Variants in FRS2 observed in about 807,000 individuals in gnomAD.
FRS2 encodes the protein fibroblast growth factor receptor substrate 2.
A neutral mutation model predicts 43.9 loss-of-function variants in FRS2; 8 were observed. That is an observed-to-expected ratio of 0.18 (90% CI 0.11 to 0.33). The LOEUF (loss-of-function observed/expected upper bound fraction) is 0.33, where lower values mean the gene tolerates loss of function less well. Among genes scored for constraint, FRS2 ranks in the 10% least tolerant of loss-of-function variants. The pLI, the probability that FRS2 is intolerant of heterozygous loss-of-function variation, is 1.00. For missense variants in FRS2, 534 were observed against 627.6 expected (o/e 0.85, Z 1.59); for synonymous variants, 219 against 220.3 (o/e 0.99, Z 0.05).
intron 1 of FRS2, among the ~76,000 whole-genome samples, chr12:69,500,795 TTG>T (rs996762335): frequency 1.3e-5 from 2 of 152,192 alleles, no homozygotes; most frequent in Non-Finnish European, 2.9e-5. Flanking sequence ...AGGAATAGTT[TTG>T]TGAGTCATAT....
intron 3 of FRS2, among the ~76,000 whole-genome samples, chr12:69,540,920 A>G (rs1240627290): frequency 6.6e-6 from 1 of 152,170 alleles, no homozygotes; most frequent in African/African-American, 2.4e-5. Context: ...AAAAGCATCA[A>G]ATTCCAAGAG....
At chr12:69,553,172 CAAGATT>C (rs1879051030) in intron 3 of FRS2, among the ~76,000 whole-genome samples, 1 of 152,014 alleles carries the variant, frequency 6.6e-6, no homozygotes, top group South Asian at 2.1e-4. Context: ...CCCAGGTACA[CAAGATT>C]CTCCTGCCTC....
chr12:69,486,552 A>T (rs1232526396), intron 1 of FRS2, among the ~76,000 whole-genome samples: 1 of 152,186 alleles, frequency 6.6e-6, no homozygotes, highest in Non-Finnish European at 1.5e-5. Context: ...ATGGCCTCTA[A>T]GTGTTCAAGT....
chr12:69,575,194 TTTAAAA>T lies in FRS2; in HGVS notation c.*241_*246del, dbSNP rs1401252763. The T allele has an allele frequency of 2.2e-6, 1 of 447,208 alleles. No individual in the cohort carries two copies. Among genetic ancestry groups the T allele is most frequent in the African/African-American group, 2.0e-5 (1 of 50,476 alleles). The allele number at this position is 447,208 out of a possible 1,614,324, so 27.7% of individuals were successfully genotyped here. On this transcript the variant is annotated 3_prime_UTR_variant, in exon 9 of 9. Coordinates refer to ENST00000549921, the MANE Select transcript of FRS2 (RefSeq NM_001278356.2). The stretch of plus-strand genomic sequence containing the variant: ...AGCATTCCCGTTTTCACAGTGCCTA[TTTAAAA>T]TGAGAGTTGAAGTAAATGACATGCT...
Position 69,574,478 on chromosome 12 carries a change from A to G in FRS2, c.1050A>G (p.Glu350=). 6.2e-7 allele frequency: 1 copy of G among 1,614,068 alleles called. No homozygotes were observed. Among genetic ancestry groups the G allele is most frequent in the Non-Finnish European group, 8.5e-7 (1 of 1,179,950 alleles). Residue 350 remains glutamate, a synonymous_variant, in exon 9 of 9, where the codon GAA becomes GAG. Transcript: ENST00000549921. ...AQRRTALLNY[E]NLPSLPPVWE... ...GAAGAACTGCATTATTAAACTATGA[A>G]AATCTACCATCTTTGCCTCCTGTTT...
At chr12:69,486,484 T>G (rs1053800498) in intron 1 of FRS2, among the ~76,000 whole-genome samples, 2 of 152,194 alleles carry the variant, frequency 1.3e-5, no homozygotes, top group African/African-American at 4.8e-5. Context: ...TTCCTGCTCC[T>G]CAGGGTTCCC....
chr12:69,485,744 A>G (rs1317255823), intron 1 of FRS2, among the ~76,000 whole-genome samples: 1 of 152,254 alleles, frequency 6.6e-6, no homozygotes, highest in Non-Finnish European at 1.5e-5. Flanking sequence ...CTGGGATTAC[A>G]GGCATGAGCC....
intron 3 of FRS2, among the ~76,000 whole-genome samples, chr12:69,539,533 G>A (rs1031704421): frequency 4.6e-5 from 7 of 152,090 alleles, no homozygotes; most frequent in South Asian, 4.1e-4. Context: ...TTTTGTGCAC[G>A]CATCATGTGA....
At chr12:69,508,006 A>G (rs1874104013) in intron 1 of FRS2, among the ~76,000 whole-genome samples, 1 of 145,398 alleles carries the variant, frequency 6.9e-6, no homozygotes, top group African/African-American at 2.6e-5. Context: ...CCTGGGCAAC[A>G]AGAGCGAAAC....
rs369977889 is a variant in FRS2 at position 69,553,089 on chromosome 12, G to A, written c.-121-9091G>A. Among the ~76,000 whole-genome samples, 536 of 147,064 alleles carry A rather than the reference G, an allele frequency of 3.6e-3. 3 individuals are homozygous for A. The highest frequency in any genetic ancestry group is 0.014 in the African/African-American group (516 of 37,162). On this transcript the variant is annotated intron_variant, in intron 3 of 8. Coordinates refer to ENST00000549921, the MANE Select transcript of FRS2 (RefSeq NM_001278356.2). Reference sequence around the variant, plus strand: ...TTTGTTTTTGTTTTTGTTTTTAGACGGAGTCTCAGTCTCACTCTGTTGCCC... The same window carrying A: ...TTTGTTTTTGTTTTTGTTTTTAGACAGAGTCTCAGTCTCACTCTGTTGCCC...
intron 3 of FRS2, among the ~76,000 whole-genome samples, chr12:69,541,271 G>A (rs1877876921): frequency 6.6e-6 from 1 of 152,094 alleles, no homozygotes; most frequent in Admixed American, 6.5e-5. Flanking sequence ...TTATTATGTT[G>A]CATTTGCTGC....
intron 1 of FRS2, among the ~76,000 whole-genome samples, chr12:69,530,408 C>T (rs914922072): frequency 6.6e-6 from 1 of 151,956 alleles, no homozygotes; most frequent in Non-Finnish European, 1.5e-5. Context: ...TCAGTCTCAG[C>T]TCTGTTAATA....
chr12:69,532,975 C>T (rs977140456), intron 3 of FRS2, among the ~76,000 whole-genome samples: 6 of 152,136 alleles, frequency 3.9e-5, no homozygotes, highest in African/African-American at 9.7e-5. Flanking sequence ...CTTATTCTTA[C>T]TTTGATGTGT....
intron 1 of FRS2, among the ~76,000 whole-genome samples, chr12:69,526,809 C>T (rs1876281521): frequency 2.0e-5 from 3 of 151,884 alleles, no homozygotes; most frequent in South Asian, 2.1e-4. Flanking sequence ...CTGCAATCTC[C>T]GCCTCCCAGG....
chr12:69,575,922 C>T lies in FRS2; in HGVS notation c.*967C>T, dbSNP rs1363765259. 2 of 152,554 alleles carry T rather than the reference C, an allele frequency of 1.3e-5. No homozygotes were observed. The highest frequency in any genetic ancestry group is 2.9e-5 in the Non-Finnish European group (2 of 68,018). The allele number at this position is 152,554 out of a possible 1,614,324, so 9.5% of individuals were successfully genotyped here. On this transcript the variant is annotated 3_prime_UTR_variant, in exon 9 of 9. Transcript: ENST00000549921. ...TATGTGTTCATTGTTGTTTAGTTTG[C>T]ATTTTTGTCAAATTATGGTTTTGAA...
At chr12:69,565,729 C>A (rs2135790886) in intron 4 of FRS2, among the ~76,000 whole-genome samples, 1 of 152,258 alleles carries the variant, frequency 6.6e-6, no homozygotes, top group East Asian at 1.9e-4. Flanking sequence ...GGAAAGTCTT[C>A]AGGGGCAATA....
intron 8 of FRS2, among the ~76,000 whole-genome samples, chr12:69,572,674 GT>G (rs1880863557): frequency 6.6e-6 from 1 of 152,230 alleles, no homozygotes; most frequent in Non-Finnish European, 1.5e-5. Flanking sequence ...GTTATTTAGT[GT>G]TCCCGAGTAT....
chr12:69,573,334 C>T (rs1167474168), intron 8 of FRS2, among the ~76,000 whole-genome samples: 4 of 152,064 alleles, frequency 2.6e-5, no homozygotes, highest in Non-Finnish European at 4.4e-5. Context: ...TTATTTATTT[C>T]TGGATCATGT....
chr12:69,506,307 T>G (rs1873922850), intron 1 of FRS2, among the ~76,000 whole-genome samples: 1 of 152,138 alleles, frequency 6.6e-6, no homozygotes, highest in Non-Finnish European at 1.5e-5. Flanking sequence ...CCCCAAAGAC[T>G]ATATTTGATT....
Sources: gnomAD v4.1 joint callset for allele counts (sites outside exome capture counted in the v4.1 genomes callset) on GRCh38, gnomAD v4.1.1 for gene constraint, MANE v1.5 for transcripts, NCBI Gene and HGNC (gene_info 2026-07-23, HGNC 2026-07-21) for gene names.